The following AZI2 variants were observed in gnomAD, a reference collection of about 807,000 sequenced individuals.
AZI2 encodes the protein 5-azacytidine induced 2.
In AZI2, 22 loss-of-function variants were observed where a neutral mutation model predicts 45.8. The ratio of observed to expected loss-of-function variants is 0.48; its 90% CI spans 0.34 to 0.69. The LOEUF (loss-of-function observed/expected upper bound fraction) is 0.69. Ranked by LOEUF, AZI2 falls within the 30% of genes least tolerant of loss-of-function variation. The pLI, the probability that AZI2 is intolerant of heterozygous loss-of-function variation, is 0.01. For synonymous variants in AZI2, 137 were observed against 156.7 expected (o/e 0.87, Z 0.94); for missense variants, 417 against 441.5 (o/e 0.94, Z 0.50).
intron 6 of AZI2, among the ~76,000 whole-genome samples, chr3:28,329,812 C>T (rs1459424722): frequency 6.6e-6 from 1 of 151,224 alleles, no homozygotes; most frequent in East Asian, 1.9e-4. Flanking sequence ...TTGCAAGGCA[C>T]AGCAAGAATC....
At position 28,323,509 on chromosome 3, in the gene AZI2, T is replaced by TA. The variant is rs1703258316; in HGVS notation, c.*532dup. 1 of 151,530 alleles carries TA rather than the reference T, an allele frequency of 6.6e-6. No homozygotes were observed. The highest frequency in any genetic ancestry group is 2.1e-4 in the South Asian group (1 of 4,832). 9.4% of individuals were successfully genotyped at this position (151,530 alleles called of 1,614,324 possible). The stretch of plus-strand genomic sequence containing the variant: ...GTGACCAAAAAATCACTTTAAATCT[T>TA]AAATATTGAAACGCAATAGCATATA... On this transcript the variant is annotated 3_prime_UTR_variant, in exon 8 of 8. Transcript: ENST00000479665.
intron 2 of AZI2, among the ~76,000 whole-genome samples, 167 bp from the exon 3 acceptor site, chr3:28,338,782 C>T (rs1369699379): frequency 6.6e-6 from 1 of 152,022 alleles, no homozygotes; most frequent in East Asian, 1.9e-4. Flanking sequence ...ACATAGAAAG[C>T]AAAAATGTGT....
At chr3:28,346,048 C>G (rs1426289942) in intron 1 of AZI2, among the ~76,000 whole-genome samples, 1 of 152,098 alleles carries the variant, frequency 6.6e-6, no homozygotes, top group Non-Finnish European at 1.5e-5. Flanking sequence ...AGCTACACAG[C>G]TAATCAGTGG....
intron 1 of AZI2, among the ~76,000 whole-genome samples, chr3:28,345,231 G>A (rs1363304801): frequency 2.6e-5 from 4 of 152,158 alleles, no homozygotes; most frequent in Non-Finnish European, 4.4e-5. Flanking sequence ...CCACTCATCA[G>A]AAAGAACAAA....
chr3:28,333,454 G>A (rs1703664241), intron 5 of AZI2, among the ~76,000 whole-genome samples: 1 of 151,478 alleles, frequency 6.6e-6, no homozygotes, highest in Non-Finnish European at 1.5e-5. Flanking sequence ...GTGCCTTACA[G>A]GAAATAATGG....
intron 1 of AZI2, among the ~76,000 whole-genome samples, chr3:28,345,673 G>GA (rs1001379073): frequency 6.6e-5 from 10 of 151,472 alleles, no homozygotes; most frequent in African/African-American, 1.2e-4. Context: ...AGAAACACAG[G>GA]AAAAAAAAGA....
At chr3:28,337,520 C>G (rs1368304484) in intron 4 of AZI2, among the ~76,000 whole-genome samples, 1 of 152,138 alleles carries the variant, frequency 6.6e-6, no homozygotes, top group African/African-American at 2.4e-5. Context: ...AACATTTCAT[C>G]TGCACCTTTT....
chr3:28,332,712 C>T (rs954296687), intron 5 of AZI2, among the ~76,000 whole-genome samples: 32 of 151,644 alleles, frequency 2.1e-4, no homozygotes, highest in African/African-American at 7.5e-4. Flanking sequence ...AAATATATTT[C>T]TAAAGACACC....
Position 28,321,679 on chromosome 3 carries a change from T to C in AZI2, c.*2363A>G, listed in dbSNP as rs1208001646. ...TTCTGAATTAAGATCAGTACTTTGT[T>C]GTCACATGATTCAGCTCTTCAAGTC... On this transcript the variant is annotated 3_prime_UTR_variant, in exon 8 of 8. Coordinates refer to ENST00000479665, the MANE Select transcript of AZI2 (RefSeq NM_022461.5). 6.6e-6 allele frequency: 1 copy of C among 151,374 alleles called. No individual in the cohort carries two copies. Among genetic ancestry groups the C allele is most frequent in the African/African-American group, 2.4e-5 (1 of 41,350 alleles). The allele number at this position is 151,374 out of a possible 1,614,324, so 9.4% of individuals were successfully genotyped here.
At position 28,338,492 on chromosome 3, in the gene AZI2, C is replaced by G; in HGVS notation, c.339+1G>C. On this transcript the variant is annotated splice_donor_variant, in intron 3 of 7. Coordinates refer to ENST00000479665, the MANE Select transcript of AZI2 (RefSeq NM_022461.5). LOFTEE classifies it high-confidence loss of function. Reference sequence around the variant, plus strand: ...ATGTCATTCGCTTCAAATCAACTTACCATTTTGTCCAGTTTGCTCTTCAAA... The same window carrying G: ...ATGTCATTCGCTTCAAATCAACTTAGCATTTTGTCCAGTTTGCTCTTCAAA... 1.3e-6 allele frequency: 2 copies of G among 1,539,994 alleles called. No homozygotes were observed. The highest frequency in any genetic ancestry group is 1.3e-5 in the South Asian group (1 of 79,104).
chr3:28,348,215 G>C (rs1218522468), intron 1 of AZI2: 5 of 152,226 alleles, frequency 3.3e-5, no homozygotes, highest in African/African-American at 1.2e-4. Flanking sequence ...AGATGCCCCA[G>C]GGAGTACCGT....
At position 28,342,696 on chromosome 3, in the gene AZI2, A is replaced by C. The variant is rs532266240; in HGVS notation, c.-5-2074T>G. ...AAAGTATGCATATATATCTTCATAT[A>C]AGACTCTTACACATGCACACACACA... On this transcript the variant is annotated intron_variant, in intron 1 of 7. Coordinates refer to ENST00000479665, the MANE Select transcript of AZI2 (RefSeq NM_022461.5). Among the ~76,000 whole-genome samples the C allele has an allele frequency of 2.8e-3, 382 of 135,412 alleles. 1 individual carries two copies. The highest frequency in any genetic ancestry group is 9.9e-3 in the African/African-American group (349 of 35,216). 88.8% of individuals were successfully genotyped at this position (135,412 alleles called of 152,430 possible). A position where few individuals can be genotyped will look rare whatever the true frequency, so the allele number is the denominator to read the frequency against.
intron 5 of AZI2, among the ~76,000 whole-genome samples, chr3:28,334,491 A>C (rs2125650477): frequency 6.6e-6 from 1 of 151,910 alleles, no homozygotes; most frequent in Admixed American, 6.6e-5. Flanking sequence ...GCCCTTTTTA[A>C]CTTCACAGCC....
rs144724369 is a variant in AZI2 at position 28,324,256 on chromosome 3, T to C, written c.965A>G (p.Asn322Ser). 3.6e-5 allele frequency: 58 copies of C among 1,609,898 alleles called. No homozygotes were observed. In the African/African-American group the frequency reaches 7.1e-4, roughly 20 times the overall value. Residue 322 changes from asparagine to serine, a missense_variant, in exon 8 of 8, where the codon AAT (asparagine) becomes AGT (serine). Asn to Ser is a conservative substitution (Grantham distance 46, BLOSUM62 1). Coordinates refer to ENST00000479665, the MANE Select transcript of AZI2 (RefSeq NM_022461.5). ...ACCATCATTAGGAATGGATCTCTCA[T>C]TGTCTGTCCATGATTGGAGGATTGC... Reference protein sequence around the residue: ...EKAILQSWTDNERSIPNDGTC... With the variant: ...EKAILQSWTDSERSIPNDGTC...
chr3:28,327,774 T>C (rs1450104351), intron 6 of AZI2, among the ~76,000 whole-genome samples: 1 of 150,888 alleles, frequency 6.6e-6, no homozygotes, highest in Non-Finnish European at 1.5e-5. Flanking sequence ...CTAAATGAAA[T>C]TAAAATCTTC....
chr3:28,337,968 G>T lies in AZI2; in HGVS notation c.408C>A (p.Leu136=). The T allele has an allele frequency of 6.3e-7, 1 of 1,599,516 alleles. No homozygotes were observed. Among genetic ancestry groups the T allele is most frequent in the Non-Finnish European group, 8.5e-7 (1 of 1,171,942 alleles). ...GAGTTTCCACCTCTGTCCTCAGCTG[G>T]AGGAGTTCTACTTCTTTAGATTGTA... ...EQLQSKEVEL[L]QLRTEVETQQ... The change falls in exon 4 of 8, where the codon CTC becomes CTA. Residue 136 remains leucine (L), a synonymous_variant. Coordinates refer to ENST00000479665, the MANE Select transcript of AZI2 (RefSeq NM_022461.5).
At chr3:28,335,454 A>C (rs1281989813) in intron 5 of AZI2, among the ~76,000 whole-genome samples, 1 of 151,998 alleles carries the variant, frequency 6.6e-6, no homozygotes, top group Non-Finnish European at 1.5e-5. Flanking sequence ...GTGTGTGGCC[A>C]CAAGCTCAAA....
At chr3:28,347,353 T>C (rs1559466076) in intron 1 of AZI2, among the ~76,000 whole-genome samples, 1 of 152,204 alleles carries the variant, frequency 6.6e-6, no homozygotes, top group Admixed American at 6.5e-5. Flanking sequence ...TTGTTCTTCA[T>C]AAGCATTCAG....
intron 5 of AZI2, among the ~76,000 whole-genome samples, chr3:28,332,656 AAG>A (rs1703628196): frequency 6.6e-6 from 1 of 151,716 alleles, no homozygotes; most frequent in Non-Finnish European, 1.5e-5. Flanking sequence ...TTTTCTTTAA[AAG>A]AATAAAATTG....
Sources: allele counts gnomAD v4.1 joint callset (sites outside exome capture counted in the v4.1 genomes callset), GRCh38; gene constraint gnomAD v4.1.1; transcripts MANE v1.5; gene names NCBI Gene and HGNC (gene_info 2026-07-23, HGNC 2026-07-21).